Variants in CSMD3 observed in about 807,000 individuals in gnomAD.
CSMD3 encodes CUB and sushi domain-containing protein 3.
A neutral mutation model predicts 435.2 loss-of-function variants in CSMD3; 177 were observed. The ratio of observed to expected loss-of-function variants is 0.41; its 90% CI spans 0.36 to 0.46. The LOEUF is 0.46. Ranked by LOEUF, CSMD3 falls within the 20% of genes least tolerant of loss-of-function variation. The pLI, the probability that CSMD3 is intolerant of heterozygous loss-of-function variation, is 0.34. For missense variants in CSMD3, 4,265 were observed against 4,504.6 expected (o/e 0.95, Z 1.52); for synonymous variants, 1,656 against 1,520.5 (o/e 1.09, Z -2.07).
At chr8:112,546,552 C>T (rs1827198762) in intron 27 of CSMD3, among the ~76,000 whole-genome samples, 1 of 152,074 alleles carries the variant, frequency 6.6e-6, no homozygotes, top group Admixed American at 6.6e-5. Context: ...AGATTCTCAA[C>T]AGAGAGGTCA....
intron 32 of CSMD3, among the ~76,000 whole-genome samples, chr8:112,423,684 A>G (rs77559199): frequency 0.01 from 1,570 of 152,218 alleles, 30 homozygotes; most frequent in African/African-American, 0.035. Flanking sequence ...GGCTCAGGCT[A>G]AAGATACTTT....
chr8:112,259,525 C>A (rs187401826), intron 61 of CSMD3, among the ~76,000 whole-genome samples: 1 of 152,160 alleles, frequency 6.6e-6, no homozygotes, highest in East Asian at 1.9e-4. Context: ...ACCACCATGG[C>A]ATGTGTATAC....
intron 30 of CSMD3, among the ~76,000 whole-genome samples, chr8:112,495,851 T>C (rs1467103191): frequency 6.6e-6 from 1 of 151,962 alleles, no homozygotes; most frequent in Admixed American, 6.6e-5. Flanking sequence ...AGATATATTT[T>C]AGATCGCTGC....
intron 25 of CSMD3, 102 bp from the exon 26 acceptor site, chr8:112,552,822 G>C (rs1334882209): frequency 9.4e-7 from 1 of 1,060,950 alleles, no homozygotes; most frequent in Non-Finnish European, 1.4e-6. Flanking sequence ...TGATTTTCTT[G>C]TTTCTTTAAA....
intron 5 of CSMD3, among the ~76,000 whole-genome samples, chr8:113,085,724 A>C (rs2089739909): frequency 1.3e-5 from 2 of 152,224 alleles, no homozygotes. Context: ...GAGCTAAAAA[A>C]AATGGTGCTC....
At chr8:112,894,429 G>C (rs1446054424) in intron 10 of CSMD3, among the ~76,000 whole-genome samples, 1 of 151,192 alleles carries the variant, frequency 6.6e-6, no homozygotes, top group African/African-American at 2.4e-5. Context: ...AAAAATAAAA[G>C]ATAATATAGA....
intron 10 of CSMD3, among the ~76,000 whole-genome samples, chr8:112,885,078 T>G (rs1003295673): frequency 2.0e-5 from 3 of 151,748 alleles, no homozygotes; most frequent in African/African-American, 7.3e-5. Context: ...AATATCTTAC[T>G]TCTACTGCCT....
At chr8:112,554,286 G>T (rs556036577) in intron 25 of CSMD3, among the ~76,000 whole-genome samples, 1 of 152,002 alleles carries the variant, frequency 6.6e-6, no homozygotes, top group Non-Finnish European at 1.5e-5. Context: ...ATATACCCAT[G>T]GAGGGCTAAG....
chr8:112,365,044 T>C (rs1167868618), intron 38 of CSMD3, among the ~76,000 whole-genome samples: 1 of 152,090 alleles, frequency 6.6e-6, no homozygotes, highest in South Asian at 2.1e-4. Flanking sequence ...GGATTTATGA[T>C]AGCCTATATC....
chr8:113,334,729 C>T (rs2094057634), intron 1 of CSMD3, among the ~76,000 whole-genome samples: 1 of 152,014 alleles, frequency 6.6e-6, no homozygotes, highest in African/African-American at 2.4e-5. Flanking sequence ...ATTGTGAATT[C>T]TATTTTCTTA....
At chr8:112,244,943 T>C (rs140668422) in intron 64 of CSMD3, among the ~76,000 whole-genome samples, 5 of 151,980 alleles carry the variant, frequency 3.3e-5, no homozygotes, top group African/African-American at 1.2e-4. Flanking sequence ...TGTGGTAAGA[T>C]ACCTTTTAAT....
chr8:112,941,467 C>T (rs1213884468), intron 9 of CSMD3, among the ~76,000 whole-genome samples: 3 of 151,762 alleles, frequency 2.0e-5, no homozygotes, highest in Admixed American at 1.3e-4. Context: ...ACTGACATCA[C>T]AATTTTCTAA....
chr8:112,270,357 T>TGTGTGTGTGTGTGTGTGTTAGGGGTGA (rs1554622981), intron 59 of CSMD3, among the ~76,000 whole-genome samples: 135 of 119,076 alleles, frequency 1.1e-3, no homozygotes, highest in Non-Finnish European at 8.3e-4. Context: ...TGTGTGTGTG[T>TGTGTGTGTGTGTGTGTGTTAGGGGTGA]GTGTGTGTGT....
At chr8:113,352,189 T>C (rs2094194517) in intron 1 of CSMD3, among the ~76,000 whole-genome samples, 1 of 152,036 alleles carries the variant, frequency 6.6e-6, no homozygotes, top group African/African-American at 2.4e-5. Context: ...TTTTCAGATA[T>C]AATTATAGTA....
At chr8:113,320,888 T>C (rs1049472259) in intron 1 of CSMD3, among the ~76,000 whole-genome samples, 14 of 152,274 alleles carry the variant, frequency 9.2e-5, no homozygotes, top group Non-Finnish European at 2.9e-5. Flanking sequence ...GTTTCCACCC[T>C]TTGCTATATA....
intron 9 of CSMD3, among the ~76,000 whole-genome samples, chr8:112,934,978 C>A (rs2083235214): frequency 6.6e-6 from 1 of 151,828 alleles, no homozygotes; most frequent in Admixed American, 6.6e-5. Flanking sequence ...AAATCATTGC[C>A]CAGACCAATG....
intron 4 of CSMD3, among the ~76,000 whole-genome samples, chr8:113,115,760 T>C (rs557582505): frequency 6.6e-6 from 1 of 152,210 alleles, no homozygotes; most frequent in South Asian, 2.1e-4. Context: ...TGTGAGTAAA[T>C]GTCTAATAAT....
chr8:112,558,503 G>A (rs1363836198), intron 24 of CSMD3, among the ~76,000 whole-genome samples: 2 of 151,790 alleles, frequency 1.3e-5, no homozygotes, highest in South Asian at 4.1e-4. Context: ...CAGTTTTTAC[G>A]GGTTCTTTGG....
chr8:112,866,850 A>T (rs1225264277), intron 10 of CSMD3, among the ~76,000 whole-genome samples: 1 of 152,184 alleles, frequency 6.6e-6, no homozygotes, highest in Non-Finnish European at 1.5e-5. Flanking sequence ...CGCTTCTAGA[A>T]ATTCTAACTT....
Sources: gnomAD v4.1 joint callset for allele counts (sites outside exome capture counted in the v4.1 genomes callset) on GRCh38, gnomAD v4.1.1 for gene constraint, MANE v1.5 for transcripts, NCBI Gene and HGNC (gene_info 2026-07-23, HGNC 2026-07-21) for gene names.